Variants in ARAP2 observed in about 807,000 individuals in gnomAD.
ARAP2 encodes arf-GAP with Rho-GAP domain, ANK repeat and PH domain-containing protein 2.
In ARAP2, 148 loss-of-function variants were observed where a neutral mutation model predicts 194.5. The ratio of observed to expected loss-of-function variants is 0.76; its 90% CI spans 0.67 to 0.87. The LOEUF (loss-of-function observed/expected upper bound fraction) is 0.87, where lower values mean the gene tolerates loss of function less well. Ranked by LOEUF, ARAP2 falls within the 40% of genes least tolerant of loss-of-function variation. The pLI is 0.00. For synonymous variants in ARAP2, 695 were observed against 683.5 expected (o/e 1.02, Z -0.26); for missense variants, 2,128 against 1,989.7 (o/e 1.07, Z -1.32).
chr4:36,035,897 T>TA (rs994650754), intron 5 of ARAP2, among the ~76,000 whole-genome samples: 75 of 152,314 alleles, frequency 4.9e-4, no homozygotes, highest in African/African-American at 1.8e-3. Flanking sequence ...AAAATACAAT[T>TA]ATTTCTCAAC....
chr4:36,211,364 T>C (rs375395177), intron 5 of ARAP2, among the ~76,000 whole-genome samples: 2 of 152,168 alleles, frequency 1.3e-5, no homozygotes, highest in South Asian at 2.1e-4. Context: ...ACAATATTTA[T>C]TGGAATGCAT....
chr4:36,028,716 C>T (rs1246674799), intron 5 of ARAP2, among the ~76,000 whole-genome samples: 1 of 151,588 alleles, frequency 6.6e-6, no homozygotes, highest in Non-Finnish European at 1.5e-5. Flanking sequence ...CTTGTATTTA[C>T]TTGCTTTATT....
In ARAP2 at chr4:36,159,439, C is replaced by G. The variant is rs781271815; in HGVS notation, c.2509G>C (p.Asp837His). ...GGGTCTCCGGTGGCACACATGACAT[C>G]TGCTCCACTGAACAGCAAAGCCATT... Reference protein sequence around the residue: ...ETMALLFSGADVMCATGDPVH... With the variant: ...ETMALLFSGAHVMCATGDPVH... The change falls in exon 14 of 33, where the codon GAT (aspartate) becomes CAT (histidine). Residue 837 changes from aspartate to histidine, a missense_variant. By Grantham distance (81) the Asp-to-His change is moderately conservative (BLOSUM62 -1). Coordinates refer to ENST00000303965, the MANE Select transcript of ARAP2 (RefSeq NM_015230.4). 6.2e-7 allele frequency: 1 copy of G among 1,608,596 alleles called. No individual in the cohort carries two copies. Among genetic ancestry groups the G allele is most frequent in the Admixed American group, 1.7e-5 (1 of 59,712 alleles).
intron 5 of ARAP2, 53 bp downstream of exon 5, chr4:36,212,343 T>C (rs933984937): frequency 1.4e-6 from 2 of 1,408,600 alleles, no homozygotes; most frequent in Middle Eastern, 2.0e-4. Context: ...GAAGTCAACA[T>C]TGTATAACAG....
At chr4:36,196,171 CAT>C (rs371567211) in intron 6 of ARAP2, among the ~76,000 whole-genome samples, 250 of 152,320 alleles carry the variant, frequency 1.6e-3, no homozygotes, top group African/African-American at 5.7e-3. Context: ...CCTATTTTCA[CAT>C]GTCTTACTTA....
chr4:36,057,466 C>T (rs957978198), intron 2 of ARAP2, among the ~76,000 whole-genome samples: 1 of 151,834 alleles, frequency 6.6e-6, no homozygotes, highest in East Asian at 1.9e-4. Context: ...TTGCCTCCTC[C>T]CAATTTTCTA....
At chr4:36,194,819 A>T (rs188447042) in intron 6 of ARAP2, among the ~76,000 whole-genome samples, 4 of 152,318 alleles carry the variant, frequency 2.6e-5, no homozygotes, top group African/African-American at 9.6e-5. Flanking sequence ...GAACATGTAA[A>T]TTTACATGTA....
intron 9 of ARAP2, among the ~76,000 whole-genome samples, chr4:36,009,457 C>T (rs536152897): frequency 2.9e-4 from 44 of 152,094 alleles, no homozygotes; most frequent in African/African-American, 9.9e-4. Flanking sequence ...GGGAGATAAA[C>T]ATTGGGTATA....
chr4:36,099,011 C>T (rs762869918), intron 27 of ARAP2, among the ~76,000 whole-genome samples: 4 of 151,842 alleles, frequency 2.6e-5, no homozygotes, highest in Non-Finnish European at 4.4e-5. Context: ...AATGTAAGTA[C>T]CCATTAGCTG....
At chr4:36,108,187 C>T (rs1577911796) in intron 26 of ARAP2, among the ~76,000 whole-genome samples, 2 of 151,938 alleles carry the variant, frequency 1.3e-5, no homozygotes, top group South Asian at 4.1e-4. Flanking sequence ...GCATGAACCA[C>T]CATCCCCATC....
At chr4:36,079,227 A>G (rs1257524622) in intron 31 of ARAP2, among the ~76,000 whole-genome samples, 2 of 151,998 alleles carry the variant, frequency 1.3e-5, no homozygotes, top group Non-Finnish European at 1.5e-5. Context: ...TAAGTTACAA[A>G]AAGAAGAAGA....
intron 29 of ARAP2, 25 bp from the exon 30 acceptor site, chr4:36,082,311 C>A: frequency 6.3e-7 from 1 of 1,596,128 alleles, no homozygotes; most frequent in Non-Finnish European, 8.5e-7. Flanking sequence ...AAAAAAAACA[C>A]ACATAAATTA....
chr4:36,233,177 T>G (rs1178249142), intron 1 of ARAP2, among the ~76,000 whole-genome samples: 1 of 152,256 alleles, frequency 6.6e-6, no homozygotes, highest in Non-Finnish European at 1.5e-5. Context: ...AATTCTTAGA[T>G]GCTCTAGCCC....
intron 25 of ARAP2, 147 bp downstream of exon 25, chr4:36,116,914 G>T: frequency 2.5e-6 from 1 of 405,864 alleles, no homozygotes; most frequent in Non-Finnish European, 4.3e-6. Context: ...AATTCCTGGG[G>T]GATATCACTA....
At chr4:36,169,240 A>G (rs1186434448) in intron 9 of ARAP2, among the ~76,000 whole-genome samples, 1 of 152,198 alleles carries the variant, frequency 6.6e-6, no homozygotes, top group Non-Finnish European at 1.5e-5. Context: ...CATTTGACAA[A>G]AGCTGTGTAT....
intron 28 of ARAP2, among the ~76,000 whole-genome samples, chr4:36,090,117 T>G (rs1367905649): frequency 6.6e-6 from 1 of 152,080 alleles, no homozygotes; most frequent in African/African-American, 2.4e-5. Context: ...TATCAAAGAA[T>G]ATTATGAATA....
downstream of ARAP2, among the ~76,000 whole-genome samples, chr4:36,064,554 G>A (rs778340815): frequency 2.6e-5 from 4 of 152,216 alleles, no homozygotes; most frequent in Non-Finnish European, 5.9e-5. Flanking sequence ...GTGAGAGATT[G>A]AAGGGTGGCC....
chr4:36,046,818 A>G (rs1293866881), exon 4 of ARAP2: 2 of 152,330 alleles, frequency 1.3e-5, no homozygotes, highest in East Asian at 3.9e-4. Flanking sequence ...AAAATCTCCA[A>G]AACAGTGACA....
intron 7 of ARAP2, among the ~76,000 whole-genome samples, chr4:36,188,344 AC>A (rs1487131969): frequency 3.3e-5 from 5 of 152,150 alleles, no homozygotes; most frequent in Non-Finnish European, 7.4e-5. Flanking sequence ...CAAAATGAAA[AC>A]CCAGCTACTG....
Sources: gnomAD v4.1 joint callset for allele counts (sites outside exome capture counted in the v4.1 genomes callset) on GRCh38, gnomAD v4.1.1 for gene constraint, MANE v1.5 for transcripts, NCBI Gene and HGNC (gene_info 2026-07-23, HGNC 2026-07-21) for gene names.